The following SLC26A8 variants were observed in gnomAD, a reference collection of about 807,000 sequenced individuals.
SLC26A8 encodes testis anion transporter 1.
SLC26A8 carries 70 observed loss-of-function variants against 105.0 expected under a neutral mutation model. That is an observed-to-expected ratio of 0.67 (90% CI 0.55 to 0.81). The LOEUF (loss-of-function observed/expected upper bound fraction) is 0.81, where lower values mean the gene tolerates loss of function less well. SLC26A8 is among the 40% of genes least tolerant of loss of function. The pLI is 0.00. For synonymous variants in SLC26A8, 415 were observed against 438.3 expected (o/e 0.95, Z 0.66); for missense variants, 998 against 1,181.8 (o/e 0.84, Z 2.28).
In SLC26A8 at chr6:35,992,554, C is replaced by A; in HGVS notation, c.748G>T (p.Gly250Trp). Residue 250 changes from glycine (G) to tryptophan (W), a missense_variant, in exon 6 of 20, where the codon GGG (glycine) becomes TGG (tryptophan). Gly to Trp is a radical substitution (Grantham distance 184, BLOSUM62 -2). Coordinates refer to ENST00000490799, the MANE Select transcript of SLC26A8 (RefSeq NM_052961.4). ...CCGGCATGGAAACTAATCATAATCCCAAAGATGAAAGTCAGCTGGGACAGC... is the reference window on the plus strand; with the variant it reads ...CCGGCATGGAAACTAATCATAATCCAAAAGATGAAAGTCAGCTGGGACAGC... Reference protein sequence around the residue: ...IMLSQLTFIFGIMISFHAGPI... With the variant: ...IMLSQLTFIFWIMISFHAGPI... 6.2e-7 allele frequency: 1 copy of A among 1,613,834 alleles called. No homozygotes were observed. The highest frequency in any genetic ancestry group is 8.5e-7 in the Non-Finnish European group (1 of 1,179,928).
chr6:35,964,264 G>A (rs1048109775), intron 11 of SLC26A8, among the ~76,000 whole-genome samples: 1 of 152,164 alleles, frequency 6.6e-6, no homozygotes, highest in Non-Finnish European at 1.5e-5. Context: ...TTGAAATAGG[G>A]TGGTGCCCTT....
chr6:35,992,383 T>A, intron 6 of SLC26A8, 127 bp downstream of exon 6: 1 of 908,432 alleles, frequency 1.1e-6, no homozygotes, highest in Middle Eastern at 3.0e-4. Context: ...AGTACCCTCT[T>A]GACTGAGCTG....
At chr6:35,962,485 C>T (rs1482573581) in intron 12 of SLC26A8, 41 bp downstream of exon 12, 5 of 1,525,062 alleles carry the variant, frequency 3.3e-6, no homozygotes, top group Non-Finnish European at 4.5e-6. Flanking sequence ...CTCCAACCTC[C>T]CTCTGCCCTC....
chr6:35,962,570 T>A lies in SLC26A8; in HGVS notation c.1417A>T (p.Ile473Phe). Residue 473 changes from isoleucine (I) to phenylalanine (F), a missense_variant, in exon 12 of 20, where the codon ATT becomes TTT. Transcript: ENST00000490799. Reference protein sequence around the residue: ...LSNVIPYLETISNLPSLWRQD... With the variant: ...LSNVIPYLETFSNLPSLWRQD... ...CTCCACAGGCTGGGTAGGTTAGAAA[T>A]GGTTTCAAGGTAGGGAATGACGTTG... The A allele has an allele frequency of 6.2e-7, 1 of 1,614,090 alleles. No homozygotes were observed. Among genetic ancestry groups the A allele is most frequent in the Non-Finnish European group, 8.5e-7 (1 of 1,180,012 alleles).
chr6:35,992,222 T>C, intron 6 of SLC26A8, among the ~76,000 whole-genome samples: 1 of 152,230 alleles, frequency 6.6e-6, no homozygotes, highest in East Asian at 1.9e-4. Flanking sequence ...AGAAGAACTG[T>C]GATAGATACA....
At position 35,954,862 on chromosome 6, in the gene SLC26A8, T is replaced by C; in HGVS notation, c.2232+290A>G. The C allele has an allele frequency of 9.1e-6, 3 of 329,296 alleles. No individual in the cohort carries two copies. In the East Asian group the frequency reaches 2.2e-4, roughly 24 times the overall value. 20.4% of individuals were successfully genotyped at this position (329,296 alleles called of 1,614,324 possible). On this transcript the variant is annotated intron_variant, in intron 17 of 19. Transcript: ENST00000490799. ...CAGGAGGCTGAGGCAGGAGAATCTC[T>C]TGAACCTGGGAGGTGGAGGTTGCAG...
intron 1 of SLC26A8, among the ~76,000 whole-genome samples, chr6:36,022,482 T>A (rs1369038387): frequency 1.2e-5 from 1 of 84,904 alleles, no homozygotes; most frequent in Non-Finnish European, 2.7e-5. Flanking sequence ...GTTACCTTAC[T>A]GGACAGTGCA....
chr6:35,980,811 G>A (rs1481048121), intron 8 of SLC26A8, among the ~76,000 whole-genome samples: 2 of 152,074 alleles, frequency 1.3e-5, no homozygotes, highest in Non-Finnish European at 2.9e-5. Context: ...CCAGGAGTTC[G>A]AGATCAGCCT....
At chr6:36,003,941 G>A (rs189530354) in intron 3 of SLC26A8, among the ~76,000 whole-genome samples, 133 of 151,996 alleles carry the variant, frequency 8.8e-4, no homozygotes, top group African/African-American at 3.0e-3. Context: ...GGTTACAGGC[G>A]TGAGCCACCA....
chr6:35,987,911 CTTTT>C (rs34557500), intron 7 of SLC26A8, among the ~76,000 whole-genome samples: 14 of 132,054 alleles, frequency 1.1e-4, no homozygotes, highest in Admixed American at 1.6e-4. Flanking sequence ...ACCTTTCTTT[CTTTT>C]TTTTTTTTTT....
At chr6:36,024,445 A>G in intron 1 of SLC26A8, 59 bp downstream of exon 1, 1 of 450,274 alleles carries the variant, frequency 2.2e-6, no homozygotes, top group African/African-American at 2.0e-5. Flanking sequence ...TGACGGACGC[A>G]GCCCCCGCCC....
rs185098429 is a variant in SLC26A8 at position 35,958,177 on chromosome 6, C to T, written c.1863+1283G>A. ...GTTTTTCTGACTTTTGAGCTCATGC[C>T]AATCTCCCCTTACTTGATGTCTTAA... is the stretch of plus-strand genomic sequence containing the variant. On this transcript the variant is annotated intron_variant, in intron 16 of 19. Coordinates refer to ENST00000490799, the MANE Select transcript of SLC26A8 (RefSeq NM_052961.4). Among the ~76,000 whole-genome samples the T allele has an allele frequency of 8.5e-5, 13 of 152,302 alleles. No individual in the cohort carries two copies. The East Asian group carries it at 2.5e-3, about 29-fold the overall frequency.
Position 35,982,058 on chromosome 6 carries a change from G to A in SLC26A8, c.1025+63C>T, listed in dbSNP as rs543262480. 1.6e-4 allele frequency: 236 copies of A among 1,508,688 alleles called. 1 individual carries two copies. In the African/African-American group the frequency reaches 2.1e-3, roughly 13 times the overall value. 93.5% of individuals were successfully genotyped at this position (1,508,688 alleles called of 1,614,324 possible). A position where few individuals can be genotyped will look rare whatever the true frequency, so the allele number is the denominator to read the frequency against. ...GTAGAAAATATCAATCAGGCTGTGT[G>A]GTCAGAGGCTAAGAGAGGGTATCAG... On this transcript the variant is annotated intron_variant, in intron 8 of 19. Transcript: ENST00000490799.
At chr6:36,017,595 G>T (rs543563174) in intron 2 of SLC26A8, among the ~76,000 whole-genome samples, 1 of 152,006 alleles carries the variant, frequency 6.6e-6, no homozygotes, top group African/African-American at 2.4e-5. Flanking sequence ...TCATGCCATC[G>T]CACTCCAGCC....
Position 35,982,602 on chromosome 6 carries a change from C to T in SLC26A8, c.943-399G>A, listed in dbSNP as rs149073975. ...ACTTGGAAAATACCTCTTTGCTCCT[C>T]TTTAAATAAAGGGTATTTCAGAGTT... On this transcript the variant is annotated intron_variant, in intron 7 of 19. Coordinates refer to ENST00000490799, the MANE Select transcript of SLC26A8 (RefSeq NM_052961.4). Among the ~76,000 whole-genome samples the T allele has an allele frequency of 4.7e-3, 720 of 152,268 alleles. 4 individuals are homozygous for T. The highest frequency in any genetic ancestry group is 8.3e-3 in the Non-Finnish European group (567 of 68,024).
chr6:35,976,866 G>C (rs1441027456), intron 9 of SLC26A8, among the ~76,000 whole-genome samples: 1 of 152,014 alleles, frequency 6.6e-6, no homozygotes, highest in Non-Finnish European at 1.5e-5. Flanking sequence ...TTTATAAGAC[G>C]TTCTGCAGCA....
intron 10 of SLC26A8, among the ~76,000 whole-genome samples, chr6:35,970,259 A>T (rs1481630453): frequency 6.6e-6 from 1 of 152,170 alleles, no homozygotes; most frequent in Admixed American, 6.5e-5. Context: ...ACACCTTCCC[A>T]CTGGGTTCCC....
At chr6:35,989,113 T>C (rs1159200354) in intron 7 of SLC26A8, among the ~76,000 whole-genome samples, 1 of 152,162 alleles carries the variant, frequency 6.6e-6, no homozygotes, top group African/African-American at 2.4e-5. Flanking sequence ...GTGCTGGGAT[T>C]ACAAGCGTGA....
At chr6:35,960,815 G>C in intron 14 of SLC26A8, 28 bp downstream of exon 14, 2 of 1,608,466 alleles carry the variant, frequency 1.2e-6, no homozygotes, top group African/African-American at 2.7e-5. Flanking sequence ...CCCTTAGGCA[G>C]AGAAATGGGA....
Sources: allele counts gnomAD v4.1 joint callset (sites outside exome capture counted in the v4.1 genomes callset), GRCh38; gene constraint gnomAD v4.1.1; transcripts MANE v1.5; gene names NCBI Gene and HGNC (gene_info 2026-07-23, HGNC 2026-07-21).